HAUS6: variants seen among roughly 807,000 people sequenced by gnomAD.
The protein encoded by HAUS6 is HAUS augmin-like complex subunit 6.
In HAUS6, 80 loss-of-function variants were observed where a neutral mutation model predicts 106.8. The ratio of observed to expected loss-of-function variants is 0.75; its 90% CI spans 0.63 to 0.90. HAUS6 has a LOEUF of 0.90. Ranked by LOEUF, HAUS6 falls within the 40% of genes least tolerant of loss-of-function variation. The pLI, the probability that HAUS6 is intolerant of heterozygous loss-of-function variation, is 0.00. For missense variants in HAUS6, 1,155 were observed against 1,118.1 expected (o/e 1.03, Z -0.47); for synonymous variants, 356 against 379.1 (o/e 0.94, Z 0.71).
At chr9:19,057,738 C>CT (rs994441593) in intron 16 of HAUS6, 20 of 423,484 alleles carry the variant, frequency 4.7e-5, no homozygotes, top group African/African-American at 2.0e-4. Context: ...ATTGGGGGGG[C>CT]TTTTTTTTCC....
chr9:19,070,649 T>G (rs1441435405), intron 11 of HAUS6, among the ~76,000 whole-genome samples: 1 of 152,192 alleles, frequency 6.6e-6, no homozygotes, highest in Non-Finnish European at 1.5e-5. Flanking sequence ...CTTAGCATAT[T>G]TCAGTGCACA....
intron 7 of HAUS6, among the ~76,000 whole-genome samples, chr9:19,084,883 C>T (rs1369150933): frequency 2.0e-5 from 3 of 152,036 alleles, no homozygotes; most frequent in East Asian, 1.9e-4. Context: ...CCAACCATAT[C>T]GGCCTCCCAA....
chr9:19,075,549 T>C (rs1243177409), intron 11 of HAUS6, among the ~76,000 whole-genome samples: 7 of 151,064 alleles, frequency 4.6e-5, no homozygotes, highest in African/African-American at 1.7e-4. Context: ...GAGAAAACAT[T>C]GTGCAAAGTT....
chr9:19,077,197 G>C (rs1240566710), intron 10 of HAUS6, among the ~76,000 whole-genome samples: 1 of 152,162 alleles, frequency 6.6e-6, no homozygotes, highest in Admixed American at 6.5e-5. Flanking sequence ...GGATTACTTA[G>C]TCCTTGAATT....
chr9:19,068,602 T>A (rs1836818222), intron 12 of HAUS6, among the ~76,000 whole-genome samples: 1 of 152,196 alleles, frequency 6.6e-6, no homozygotes, highest in Admixed American at 6.5e-5. Context: ...GAGTGCTTCA[T>A]TTAAAATTTA....
chr9:19,066,926 G>C (rs770647679), intron 12 of HAUS6, among the ~76,000 whole-genome samples: 2 of 151,138 alleles, frequency 1.3e-5, no homozygotes, highest in Admixed American at 6.6e-5. Context: ...AGGATCACTT[G>C]AGCCCAGGAG....
Position 19,102,505 on chromosome 9 carries a change from C to T in HAUS6, c.128+19G>A. Reference sequence around the variant, plus strand: ...CCCCGGTTCAGGCTCCCTCGCCCCGCCGGCCCCGGCCTCCTTACACTCCGA... The same window carrying T: ...CCCCGGTTCAGGCTCCCTCGCCCCGTCGGCCCCGGCCTCCTTACACTCCGA... On this transcript the variant is annotated intron_variant, in intron 1 of 16. Transcript: ENST00000380502. 6.2e-7 allele frequency: 1 copy of T among 1,610,312 alleles called. No individual in the cohort carries two copies. Among genetic ancestry groups the T allele is most frequent in the Non-Finnish European group, 8.5e-7 (1 of 1,178,062 alleles).
At chr9:19,074,023 G>T (rs1381767619) in intron 11 of HAUS6, 1 of 152,202 alleles carries the variant, frequency 6.6e-6, no homozygotes, top group Non-Finnish European at 1.5e-5. Flanking sequence ...TAGGCAGGCG[G>T]AATGGCTGAG....
rs2131089640 is a variant in HAUS6 at position 19,054,543 on chromosome 9, CA to C, written c.*1799del. 6.6e-6 allele frequency: 1 copy of C among 152,328 alleles called. No homozygotes were observed. The highest frequency in any genetic ancestry group is 6.5e-5 in the Admixed American group (1 of 15,298). The allele number at this position is 152,328 out of a possible 1,614,324, so 9.4% of individuals were successfully genotyped here. ...TCAGCCCATCACAGGTATAACTCAACAATGTGATTTTTACAAATCCAAAATG... is the reference window on the plus strand; with the variant it reads ...TCAGCCCATCACAGGTATAACTCAACATGTGATTTTTACAAATCCAAAATG... On this transcript the variant is annotated 3_prime_UTR_variant, in exon 17 of 17. Coordinates refer to ENST00000380502, the MANE Select transcript of HAUS6 (RefSeq NM_017645.5).
intron 7 of HAUS6, among the ~76,000 whole-genome samples, chr9:19,083,818 T>G (rs10811111): frequency 1.1e-4 from 1 of 9,412 alleles, no homozygotes; most frequent in Admixed American, 1.0e-3. Context: ...AAAAAAAAAA[T>G]TTTTTTTCAA....
intron 12 of HAUS6, among the ~76,000 whole-genome samples, chr9:19,064,036 T>C (rs963884264): frequency 2.3e-4 from 35 of 151,858 alleles, no homozygotes; most frequent in African/African-American, 8.2e-4. Flanking sequence ...GGCGCGATCT[T>C]GGCTCACCAC....
chr9:19,101,627 T>G (rs531644660), intron 1 of HAUS6, among the ~76,000 whole-genome samples: 29 of 151,424 alleles, frequency 1.9e-4, no homozygotes, highest in Non-Finnish European at 4.3e-4. Context: ...TAATAATACT[T>G]TAAAAAAATA....
chr9:19,089,617 T>C, intron 4 of HAUS6, 58 bp from the exon 5 acceptor site: 4 of 1,340,162 alleles, frequency 3.0e-6, no homozygotes, highest in Non-Finnish European at 4.2e-6. Flanking sequence ...TAGTGGGTTA[T>C]CAGAAATGAA....
chr9:19,082,265 A>G (rs1837167394), intron 8 of HAUS6, among the ~76,000 whole-genome samples: 1 of 152,214 alleles, frequency 6.6e-6, no homozygotes, highest in Non-Finnish European at 1.5e-5. Flanking sequence ...CAATTAGGAG[A>G]TCACTGTTGT....
At chr9:19,091,034 C>G (rs1817733228) in intron 4 of HAUS6, among the ~76,000 whole-genome samples, 1 of 152,146 alleles carries the variant, frequency 6.6e-6, no homozygotes, top group Admixed American at 6.5e-5. Context: ...GGCGCAGTGG[C>G]TCAGGCCTGT....
In HAUS6 at chr9:19,063,694, A is replaced by C. The variant is rs761923007; in HGVS notation, c.1377-114T>G. On this transcript the variant is annotated intron_variant, in intron 12 of 16. Transcript: ENST00000380502. ...GTATCTGTCCGTTACGATTTCACTCAATTCGTCCCGGTCATCAAAAGGCAG... is the reference window on the plus strand; with the variant it reads ...GTATCTGTCCGTTACGATTTCACTCCATTCGTCCCGGTCATCAAAAGGCAG... 6.1e-6 allele frequency: 5 copies of C among 817,030 alleles called. No homozygotes were observed. The Admixed American group carries it at 8.5e-5, about 14-fold the overall frequency. The allele number at this position is 817,030 out of a possible 1,614,324, so 50.6% of individuals were successfully genotyped here. A position where few individuals can be genotyped will look rare whatever the true frequency, so the allele number is the denominator to read the frequency against.
intron 11 of HAUS6, among the ~76,000 whole-genome samples, chr9:19,070,513 T>C (rs1282028334): frequency 6.6e-6 from 1 of 152,208 alleles, no homozygotes; most frequent in Non-Finnish European, 1.5e-5. Context: ...AAAGAAATGA[T>C]GGCTAATACT....
rs1367670259 is a variant in HAUS6 at position 19,102,820 on chromosome 9, C to G, written c.-169G>C. On this transcript the variant is annotated 5_prime_UTR_variant, in exon 1 of 17. Coordinates refer to ENST00000380502, the MANE Select transcript of HAUS6 (RefSeq NM_017645.5). ...ATTTCGCCTCAAAGGGCCTCACAAC[C>G]TCCGGGAAATTGAGTTTCTAACGGT... is the stretch of plus-strand genomic sequence containing the variant. 2 of 608,042 alleles carry G rather than the reference C, an allele frequency of 3.3e-6. No individual in the cohort carries two copies. Among genetic ancestry groups the G allele is most frequent in the African/African-American group, 3.8e-5 (2 of 52,776 alleles). 37.7% of individuals were successfully genotyped at this position (608,042 alleles called of 1,614,324 possible). A position where few individuals can be genotyped will look rare whatever the true frequency, so the allele number is the denominator to read the frequency against.
intron 10 of HAUS6, among the ~76,000 whole-genome samples, chr9:19,077,802 G>A (rs1588612494): frequency 6.6e-6 from 1 of 151,674 alleles, no homozygotes; most frequent in Non-Finnish European, 1.5e-5. Flanking sequence ...GCTCATGCCT[G>A]TAATCCCAGT....
Sources: allele counts gnomAD v4.1 joint callset (sites outside exome capture counted in the v4.1 genomes callset), GRCh38; gene constraint gnomAD v4.1.1; transcripts MANE v1.5; gene names NCBI Gene and HGNC (gene_info 2026-07-23, HGNC 2026-07-21).